The following KRT79 variants were observed in gnomAD, a reference collection of about 807,000 sequenced individuals.
KRT79 encodes the protein keratin, type II cytoskeletal 79.
KRT79 carries 51 observed loss-of-function variants against 49.0 expected under a neutral mutation model. The observed-to-expected ratio is 1.04, with a 90% CI of 0.83 to 1.31. The LOEUF (loss-of-function observed/expected upper bound fraction) is 1.31, where lower values mean the gene tolerates loss of function less well. Among genes scored for constraint, KRT79 ranks in the 40% most tolerant of loss-of-function variants. The pLI is 0.00. For synonymous variants in KRT79, 312 were observed against 286.6 expected, an observed-to-expected ratio of 1.09 and a Z score of -0.90; for missense variants, 728 against 688.0, an observed-to-expected ratio of 1.06 and a Z score of -0.65.
At chr12:52,833,748 C>G (rs141936685) in intron 1 of KRT79, 36 bp downstream of exon 1, 1 of 1,559,942 alleles carries the variant, frequency 6.4e-7, no homozygotes, top group African/African-American at 1.4e-5. Context: ...CCGCTTCTTC[C>G]CCAAGAGCTC....
chr12:52,823,503 C>A (rs781571849), intron 6 of KRT79, among the ~76,000 whole-genome samples: 5 of 152,194 alleles, frequency 3.3e-5, no homozygotes, highest in African/African-American at 4.8e-5. Context: ...AATAACACAG[C>A]CTTATTAGTA....
At chr12:52,823,741 C>T in intron 6 of KRT79, 146 bp downstream of exon 6, 2 of 917,100 alleles carry the variant, frequency 2.2e-6, no homozygotes, top group East Asian at 5.2e-5. Flanking sequence ...GCCTCAGTTT[C>T]CCCCCATGTA....
rs377540964 is a variant in KRT79 at position 52,830,024 on chromosome 12, A to C, written c.854T>G (p.Met285Arg). 5.6e-6 allele frequency: 9 copies of C among 1,613,996 alleles called. No homozygotes were observed. Among genetic ancestry groups the C allele is most frequent in the Non-Finnish European group, 6.8e-6 (8 of 1,179,904 alleles). Reference protein sequence around the residue: ...EIDFLQQLYEMELSQVQTHVS... With the variant: ...EIDFLQQLYERELSQVQTHVS... The stretch of plus-strand genomic sequence containing the variant: ...CTCCCTGCCCATTGGCCACCTCACC[A>C]TTTCATAGAGTTGCTGCAGGAAGTC... Residue 285 changes from methionine to arginine, a missense_variant and splice_region_variant, in exon 4 of 9, where the codon ATG (methionine) becomes AGG (arginine). Transcript: ENST00000330553.
chr12:52,825,606 G>T (rs1297830039), intron 4 of KRT79, among the ~76,000 whole-genome samples: 1 of 152,126 alleles, frequency 6.6e-6, no homozygotes, highest in Non-Finnish European at 1.5e-5. Flanking sequence ...AGAGACAGGG[G>T]GAAAAGAGAA....
At chr12:52,826,199 G>T (rs984751297) in intron 4 of KRT79, among the ~76,000 whole-genome samples, 1 of 152,166 alleles carries the variant, frequency 6.6e-6, no homozygotes, top group East Asian at 1.9e-4. Flanking sequence ...CCACTGGATG[G>T]CATCAAGAGT....
intron 4 of KRT79, among the ~76,000 whole-genome samples, chr12:52,826,559 G>A (rs369632957): frequency 2.2e-4 from 34 of 151,586 alleles, no homozygotes; most frequent in African/African-American, 7.5e-4. Context: ...AAGGGAGCTC[G>A]TGAAATCAGA....
At chr12:52,827,798 C>T (rs1237305625) in intron 4 of KRT79, among the ~76,000 whole-genome samples, 1 of 152,202 alleles carries the variant, frequency 6.6e-6, no homozygotes, top group Non-Finnish European at 1.5e-5. Flanking sequence ...CAAGAACAAA[C>T]TGGTCATCAA....
At chr12:52,822,279 C>T (rs1273435608) in intron 8 of KRT79, 66 bp downstream of exon 8, 3 of 1,531,636 alleles carry the variant, frequency 2.0e-6, no homozygotes, top group African/African-American at 2.7e-5. Flanking sequence ...GTACAGGTTG[C>T]ATAAACTGAG....
intron 1 of KRT79, among the ~76,000 whole-genome samples, chr12:52,833,531 G>A (rs531717183): frequency 2.6e-5 from 4 of 152,222 alleles, no homozygotes; most frequent in Non-Finnish European, 2.9e-5. Flanking sequence ...GCTTCAACAC[G>A]GGCAAGGTGG....
chr12:52,831,410 T>C lies in KRT79; in HGVS notation c.694A>G (p.Asn232Asp), dbSNP rs921211996. ...NVQDLVEDFK[N>D]KYEDEINKHT... ...CGCCTGGCCTGCTCTCCTCACTTGT[T>C]CTTGAAGTCCTCCACAAGGTCCTGC... The change falls in exon 2 of 9, where the codon AAC (asparagine) becomes GAC (aspartate). Residue 232 changes from asparagine (N) to aspartate (D), a missense_variant. Coordinates refer to ENST00000330553, the MANE Select transcript of KRT79 (RefSeq NM_175834.3). 6.2e-7 allele frequency: 1 copy of C among 1,614,142 alleles called. No homozygotes were observed. The highest frequency in any genetic ancestry group is 1.7e-5 in the Admixed American group (1 of 60,036).
In KRT79 at chr12:52,823,288, T is replaced by C. The variant is rs748214753; in HGVS notation, c.1147-52A>G. The C allele has an allele frequency of 5.5e-6, 8 of 1,455,816 alleles. No homozygotes were observed. The South Asian group carries it at 9.4e-5, about 17-fold the overall frequency. The allele number at this position is 1,455,816 out of a possible 1,614,324, so 90.2% of individuals were successfully genotyped here. A position where few individuals can be genotyped will look rare whatever the true frequency, so the allele number is the denominator to read the frequency against. ...GCACCCTCCGGGGTCATCCCATTCATCTCTCTGCCCTCAAGCCATGGAGAC... is the reference window on the plus strand; with the variant it reads ...GCACCCTCCGGGGTCATCCCATTCACCTCTCTGCCCTCAAGCCATGGAGAC... On this transcript the variant is annotated intron_variant, in intron 6 of 8. Transcript: ENST00000330553.
At position 52,821,478 on chromosome 12, in the gene KRT79, G is replaced by A. The variant is rs898797341; in HGVS notation, c.*394C>T. 1 of 231,624 alleles carries A rather than the reference G, an allele frequency of 4.3e-6. No homozygotes were observed. Among genetic ancestry groups the A allele is most frequent in the Admixed American group, 5.2e-5 (1 of 19,184 alleles). The allele number at this position is 231,624 out of a possible 1,614,324, so 14.3% of individuals were successfully genotyped here. On this transcript the variant is annotated 3_prime_UTR_variant, in exon 9 of 9. Transcript: ENST00000330553. Reference sequence around the variant, plus strand: ...TGCACCATTTATTGAGACACAGACAGGGAAGGGGGATGTGGGTAGATTCAG... The same window carrying A: ...TGCACCATTTATTGAGACACAGACAAGGAAGGGGGATGTGGGTAGATTCAG...
intron 4 of KRT79, 97 bp downstream of exon 4, chr12:52,829,926 T>G: frequency 2.0e-5 from 19 of 965,540 alleles, no homozygotes; most frequent in Non-Finnish European, 3.2e-5. Context: ...CTTCCACCAA[T>G]GAGGTTGCAC....
chr12:52,824,318 C>T lies in KRT79; in HGVS notation c.900G>A (p.Val300=), dbSNP rs1210601238. 6.2e-7 allele frequency: 1 copy of T among 1,614,200 alleles called. No homozygotes were observed. Among genetic ancestry groups the T allele is most frequent in the Non-Finnish European group, 8.5e-7 (1 of 1,180,032 alleles). ...GGTTGCGGTTGTTGTCCATGGACAG[C>T]ACCACATTGGTGTTAGACACGTGGG... ...VQTHVSNTNV[V]LSMDNNRNLD... The change falls in exon 5 of 9, where the codon GTG becomes GTA. Residue 300 remains valine, a synonymous_variant. Transcript: ENST00000330553.
chr12:52,832,375 C>A (rs1940267430), intron 1 of KRT79, among the ~76,000 whole-genome samples: 1 of 151,290 alleles, frequency 6.6e-6, no homozygotes, highest in Non-Finnish European at 1.5e-5. Flanking sequence ...CATTTTTTCC[C>A]AAAAAAAACT....
At position 52,821,802 on chromosome 12, in the gene KRT79, G is replaced by T; in HGVS notation, c.*70C>A. The T allele has an allele frequency of 7.1e-7, 1 of 1,408,898 alleles. No homozygotes were observed. The highest frequency in any genetic ancestry group is 9.9e-7 in the Non-Finnish European group (1 of 1,010,338). The allele number at this position is 1,408,898 out of a possible 1,614,324, so 87.3% of individuals were successfully genotyped here. A position where few individuals can be genotyped will look rare whatever the true frequency, so the allele number is the denominator to read the frequency against. On this transcript the variant is annotated 3_prime_UTR_variant, in exon 9 of 9. Transcript: ENST00000330553. ...CTGTTCCTGCTCCTGAGAAGTGACT[G>T]GAAAGGACAGCAGAGGTGGGGTGAG...
intron 1 of KRT79, among the ~76,000 whole-genome samples, 154 bp downstream of exon 1, chr12:52,833,630 C>T (rs1185820600): frequency 6.6e-6 from 1 of 152,148 alleles, no homozygotes. Context: ...CCACCCACGT[C>T]TCGGCATCCC....
chr12:52,830,106 C>T lies in KRT79; in HGVS notation c.772G>A (p.Ala258Thr). 6.2e-7 allele frequency: 1 copy of T among 1,614,122 alleles called. No individual in the cohort carries two copies. The highest frequency in any genetic ancestry group is 8.5e-7 in the Non-Finnish European group (1 of 1,179,976). The change falls in exon 4 of 9, where the codon GCA becomes ACA. Residue 258 changes from alanine (A) to threonine (T), a missense_variant. Physicochemically the swap from Ala to Thr is moderately conservative, Grantham distance 58. Transcript: ENST00000330553. ...FVVLKKDVDA[A>T]YMGRMDLHGK... ...TGCAGATCCATCCGGCCCATGTATG[C>T]TGCATCCACATCCTGGGGACGAGAG...
chr12:52,833,962 GC>G lies in KRT79; in HGVS notation c.298del (p.Ala100LeufsTer25), dbSNP rs1940295702. ...AGCAGGCCCAAACGTCTGCCTGCCAGCCCCCTGTCCCATAAATGCCCTGCTG... is the reference window on the plus strand; with the variant it reads ...AGCAGGCCCAAACGTCTGCCTGCCAGCCCCTGTCCCATAAATGCCCTGCTG... ...FGSRAFMGQG[A>X]GRQTFGPACP... On this transcript the variant is annotated frameshift_variant, in exon 1 of 9. Transcript: ENST00000330553. LOFTEE classifies it high-confidence loss of function. 2.5e-6 allele frequency: 4 copies of G among 1,613,020 alleles called. No individual in the cohort carries two copies. Among genetic ancestry groups the G allele is most frequent in the East Asian group, 2.2e-5 (1 of 44,856 alleles).
Sources: gnomAD v4.1 joint callset for allele counts (sites outside exome capture counted in the v4.1 genomes callset) on GRCh38, gnomAD v4.1.1 for gene constraint, MANE v1.5 for transcripts, NCBI Gene and HGNC (gene_info 2026-07-23, HGNC 2026-07-21) for gene names.